The following GLT8D2 variants were observed in gnomAD, a reference collection of about 807,000 sequenced individuals.
GLT8D2 encodes glycosyltransferase 8 domain containing 2, also known as glycosyltransferase 8 domain-containing protein 2.
Under a neutral mutation model 44.5 loss-of-function variants are expected in GLT8D2, and 45 were observed. That is an observed-to-expected ratio of 1.01 (90% CI 0.80 to 1.30). GLT8D2 has a LOEUF of 1.30. Ranked by LOEUF, GLT8D2 falls within the 50% of genes most tolerant of loss-of-function variation. GLT8D2 has a pLI of 0.00. For missense variants in GLT8D2, 400 were observed against 430.4 expected (o/e 0.93, Z 0.62); for synonymous variants, 156 against 157.2 (o/e 0.99, Z 0.06).
upstream of GLT8D2, among the ~76,000 whole-genome samples, chr12:104,052,878 C>T (rs527446832): frequency 3.3e-4 from 51 of 152,268 alleles, no homozygotes; most frequent in African/African-American, 1.1e-3. Flanking sequence ...TAGTCATGCA[C>T]CACCATGCTC....
intron 1 of GLT8D2, among the ~76,000 whole-genome samples, chr12:104,057,719 AG>A (rs1440006672): frequency 3.9e-5 from 6 of 152,202 alleles, no homozygotes; most frequent in Non-Finnish European, 7.3e-5. Context: ...ATCACTTTGA[AG>A]GGTGTTGGCT....
chr12:104,015,236 C>G (rs920891666), intron 3 of GLT8D2, 131 bp from the exon 4 acceptor site: 1 of 650,308 alleles, frequency 1.5e-6, no homozygotes, highest in South Asian at 1.8e-5. Flanking sequence ...TTTCTATAAG[C>G]AGACAGCATA....
At chr12:104,003,886 G>A (rs1874590107) in intron 4 of GLT8D2, among the ~76,000 whole-genome samples, 1 of 152,138 alleles carries the variant, frequency 6.6e-6, no homozygotes, top group African/African-American at 2.4e-5. Flanking sequence ...CGAGTTTGCA[G>A]GATGATAGAT....
chr12:104,021,930 GAA>G (rs1566202389), intron 1 of GLT8D2, among the ~76,000 whole-genome samples: 578 of 24,704 alleles, frequency 0.023, 51 homozygotes, highest in East Asian at 0.18. Context: ...AGAAGAAGAA[GAA>G]GAAGAAGAAG....
chr12:103,990,012 C>T (rs2136252333), intron 10 of GLT8D2, among the ~76,000 whole-genome samples: 1 of 149,262 alleles, frequency 6.7e-6, no homozygotes, highest in Non-Finnish European at 1.5e-5. Context: ...TAGATTGTTT[C>T]TATCCTATTA....
intron 1 of GLT8D2, among the ~76,000 whole-genome samples, chr12:104,028,623 A>T (rs1474411779): frequency 6.6e-6 from 1 of 152,188 alleles, no homozygotes; most frequent in African/African-American, 2.4e-5. Flanking sequence ...CACTTATAAA[A>T]TGTCTGTAAT....
intron 4 of GLT8D2, among the ~76,000 whole-genome samples, chr12:104,008,024 A>G (rs1288905337): frequency 6.6e-6 from 1 of 152,148 alleles, no homozygotes. Flanking sequence ...TTTTCTTCCC[A>G]GTCTCAGGTA....
chr12:103,989,522 G>A lies in GLT8D2; in HGVS notation c.936C>T (p.Leu312=). Residue 312 remains leucine, a synonymous_variant, in exon 11 of 11, where the codon CTC becomes CTT. Coordinates refer to ENST00000360814, the MANE Select transcript of GLT8D2 (RefSeq NM_001384711.1). ...SEHFLQEAKL[L]HWNGRHKPWD... ...AAGGTTTATGTCTTCCATTCCAGTGGAGTAATTTAGCTTCCTGCAGAAAAT... is the reference window on the plus strand; with the variant it reads ...AAGGTTTATGTCTTCCATTCCAGTGAAGTAATTTAGCTTCCTGCAGAAAAT... 6.2e-7 allele frequency: 1 copy of A among 1,613,528 alleles called. No homozygotes were observed. Among genetic ancestry groups the A allele is most frequent in the South Asian group, 1.1e-5 (1 of 91,006 alleles).
intron 4 of GLT8D2, among the ~76,000 whole-genome samples, chr12:104,012,096 A>G (rs1875904924): frequency 6.7e-6 from 1 of 149,594 alleles, no homozygotes; most frequent in South Asian, 2.1e-4. Context: ...ACTTGAACCC[A>G]GAGGCAGAGG....
At position 103,994,483 on chromosome 12, in the gene GLT8D2, G is replaced by C. The variant is rs779746987; in HGVS notation, c.619C>G (p.Leu207Val). Residue 207 changes from leucine to valine, a missense_variant, in exon 9 of 11, where the codon CTG (leucine) becomes GTG (valine). By Grantham distance (32) the Leu-to-Val change is conservative (BLOSUM62 1). Transcript: ENST00000360814. Reference sequence around the variant, plus strand: ...TTGATGGCCTTCTTCCGGTAGTCCAGATAGCCCATATATGTGTTCTGTAAG... The same window carrying C: ...TTGATGGCCTTCTTCCGGTAGTCCACATAGCCCATATATGTGTTCTGTAAG... Reference protein sequence around the residue: ...VGLQNTYMGYLDYRKKAIKDL... With the variant: ...VGLQNTYMGYVDYRKKAIKDL... 2 of 1,613,794 alleles carry C rather than the reference G, an allele frequency of 1.2e-6. No individual in the cohort carries two copies. Among genetic ancestry groups the C allele is most frequent in the Admixed American group, 1.7e-5 (1 of 59,974 alleles).
intron 3 of GLT8D2, 30 bp downstream of exon 3, chr12:104,019,600 A>T: frequency 6.4e-7 from 1 of 1,568,712 alleles, no homozygotes; most frequent in Non-Finnish European, 8.8e-7. Context: ...TATGTTTTTA[A>T]ATCATTATTT....
At chr12:103,997,118 G>A (rs570511772) in intron 7 of GLT8D2, among the ~76,000 whole-genome samples, 1 of 152,156 alleles carries the variant, frequency 6.6e-6, no homozygotes, top group Non-Finnish European at 1.5e-5. Flanking sequence ...TAGTGGAAGA[G>A]ATAGAACACA....
chr12:104,059,148 G>C (rs1882419441), intron 1 of GLT8D2, among the ~76,000 whole-genome samples: 1 of 152,120 alleles, frequency 6.6e-6, no homozygotes, highest in Non-Finnish European at 1.5e-5. Flanking sequence ...TGAAACCATG[G>C]CTAAAGAGGG....
chr12:104,036,626 T>TACAGGAGCACCCAG (rs1879957430), intron 1 of GLT8D2, among the ~76,000 whole-genome samples: 1 of 152,224 alleles, frequency 6.6e-6, no homozygotes, highest in African/African-American at 2.4e-5. Context: ...CCTAAGTATA[T>TACAGGAGCACCCAG]ATGCACCCAA....
At chr12:103,994,532 A>C in intron 8 of GLT8D2, 31 bp from the exon 9 acceptor site, 1 of 1,549,526 alleles carries the variant, frequency 6.5e-7, no homozygotes, top group Non-Finnish European at 8.8e-7. Context: ...CATGCTTTTG[A>C]CCAGCGAATC....
intron 1 of GLT8D2, among the ~76,000 whole-genome samples, chr12:104,055,741 G>C (rs1273134403): frequency 6.6e-6 from 1 of 152,226 alleles, no homozygotes; most frequent in East Asian, 1.9e-4. Context: ...TAAGGTCCTA[G>C]ATAAAATCTA....
intron 9 of GLT8D2, 31 bp downstream of exon 9, chr12:103,994,304 T>C (rs1873136243): frequency 1.9e-6 from 3 of 1,564,746 alleles, no homozygotes; most frequent in African/African-American, 1.4e-5. Context: ...TTTCCAAGCA[T>C]GGAAAAAATG....
chr12:104,016,709 GAGAAAGAAAGAAAGAAAGAAAGAAAGAA>G (rs550246831), intron 3 of GLT8D2, among the ~76,000 whole-genome samples: 36 of 72,766 alleles, frequency 4.9e-4, no homozygotes, highest in Non-Finnish European at 6.0e-4. Flanking sequence ...GAAAGGGAGA[GAGAAAGAAAGAAAGAAAGAAAGAAAGAA>G]AGAAAGAAAG....
intron 2 of GLT8D2, 95 bp from the exon 3 acceptor site, chr12:104,019,771 A>AAGCTTAT: frequency 1.3e-6 from 1 of 761,844 alleles, no homozygotes; most frequent in Non-Finnish European, 2.2e-6. Context: ...AAAGACTGAT[A>AAGCTTAT]TATCGTGAAG....
Sources: allele counts gnomAD v4.1 joint callset (sites outside exome capture counted in the v4.1 genomes callset), GRCh38; gene constraint gnomAD v4.1.1; transcripts MANE v1.5; gene names NCBI Gene and HGNC (gene_info 2026-07-23, HGNC 2026-07-21).